The following ECE1 variants were observed in gnomAD, a reference collection of about 807,000 sequenced individuals.
ECE1 encodes the protein endothelin-converting enzyme 1.
ECE1 carries 35 observed loss-of-function variants against 98.6 expected under a neutral mutation model. The observed-to-expected ratio is 0.35, with a 90% CI of 0.27 to 0.47. ECE1 has a LOEUF of 0.47. Among genes scored for constraint, ECE1 ranks in the 20% least tolerant of loss-of-function variants. The pLI, the probability that ECE1 is intolerant of heterozygous loss-of-function variation, is 1.00. For missense variants in ECE1, 814 were observed against 1,025.3 expected (o/e 0.79, Z 2.81); for synonymous variants, 394 against 407.1 (o/e 0.97, Z 0.39).
chr1:21,222,841 CAAAAAAAAAA>C (rs888811259), intron 17 of ECE1, among the ~76,000 whole-genome samples: 22 of 27,800 alleles, frequency 7.9e-4, no homozygotes, highest in African/African-American at 3.2e-3. Flanking sequence ...GACCCTGTCT[CAAAAAAAAAA>C]AAAAAAAAAA....
chr1:21,320,044 A>G lies in ECE1; in HGVS notation c.3+25332T>C, dbSNP rs75372458. ...TCAGCTAAAAAACAAAGGTGCATGC[A>G]TAAATCTCAGAATGTTTTAAGAAAG... On this transcript the variant is annotated intron_variant, in intron 1 of 18. Transcript: ENST00000415912. Among the ~76,000 whole-genome samples the G allele has an allele frequency of 1.2e-4, 19 of 152,382 alleles. No homozygotes were observed. In the East Asian group the frequency reaches 3.1e-3, roughly 25 times the overall value.
At chr1:21,274,236 G>A (rs1366347775) in intron 3 of ECE1, among the ~76,000 whole-genome samples, 1 of 152,200 alleles carries the variant, frequency 6.6e-6, no homozygotes, top group Non-Finnish European at 1.5e-5. Flanking sequence ...GGCCTGTCTT[G>A]GTCCAGCCAT....
chr1:21,228,868 G>GA (rs35536676), intron 14 of ECE1, among the ~76,000 whole-genome samples: 2 of 144,952 alleles, frequency 1.4e-5, no homozygotes, highest in African/African-American at 2.5e-5. Flanking sequence ...TTGAGACGGA[G>GA]CTCACTCTGT....
chr1:21,260,726 G>A lies in ECE1; in HGVS notation c.494-334C>T, dbSNP rs974837495. ...ACAGTGTTCTTCCCCTGTGGATAAC[G>A]TGTGGTACGAACACCCCTGCCTGGT... On this transcript the variant is annotated intron_variant, in intron 4 of 18. Coordinates refer to ENST00000374893, the MANE Select transcript of ECE1 (RefSeq NM_001397.3). The surrounding 1 kb of genome is among the most constrained non-coding windows in gnomAD (Gnocchi z 4.3). Among the ~76,000 whole-genome samples the A allele has an allele frequency of 2.0e-5, 3 of 152,238 alleles. No individual in the cohort carries two copies. Among genetic ancestry groups the A allele is most frequent in the African/African-American group, 4.8e-5 (2 of 41,444 alleles).
chr1:21,260,176 G>A lies in ECE1; in HGVS notation c.615+95C>T, dbSNP rs1342895626. 1.0e-5 allele frequency: 16 copies of A among 1,560,492 alleles called. No homozygotes were observed. Among genetic ancestry groups the A allele is most frequent in the Non-Finnish European group, 1.4e-5 (16 of 1,132,456 alleles). On this transcript the variant is annotated intron_variant, in intron 5 of 18. Coordinates refer to ENST00000374893, the MANE Select transcript of ECE1 (RefSeq NM_001397.3). This position sits in a 1 kb window ranked among gnomAD's most constrained non-coding sequence, Gnocchi z 4.3. The stretch of plus-strand genomic sequence containing the variant: ...TTGGTGCTACCGGCTGGACGTATGA[G>A]GTGGGCCAGTGGTACCAGAAGGCTG...
At chr1:21,285,710 G>C (rs1158437959) in intron 2 of ECE1, among the ~76,000 whole-genome samples, 4 of 115,508 alleles carry the variant, frequency 3.5e-5, no homozygotes, top group Non-Finnish European at 7.2e-5. Context: ...AAAAAAAAAA[G>C]GCTGGGCACA....
chr1:21,240,885 C>T (rs570339984), intron 10 of ECE1, among the ~76,000 whole-genome samples: 5 of 152,244 alleles, frequency 3.3e-5, no homozygotes, highest in Non-Finnish European at 7.3e-5. Context: ...TGGATAAACC[C>T]ATTCCTTCAC....
At chr1:21,247,513 C>A (rs965975894) in intron 8 of ECE1, 150 bp from the exon 9 acceptor site, 3 of 1,176,354 alleles carry the variant, frequency 2.6e-6, no homozygotes, top group Admixed American at 2.1e-5. Flanking sequence ...CGGAGCCTGG[C>A]GGGCTTTTGT....
upstream of ECE1, among the ~76,000 whole-genome samples, chr1:21,292,823 G>A (rs1308736355): frequency 6.6e-6 from 1 of 152,210 alleles, no homozygotes; most frequent in Non-Finnish European, 1.5e-5. Context: ...CAGGGTGCAT[G>A]GGAAAGCTCT....
At chr1:21,232,848 T>C (rs986583504) in intron 14 of ECE1, among the ~76,000 whole-genome samples, 3 of 151,996 alleles carry the variant, frequency 2.0e-5, no homozygotes, top group Non-Finnish European at 4.4e-5. Context: ...CGGTTAATTT[T>C]TGTATTTTTA....
rs1246781559 is a variant in ECE1, at chr1:21,276,680, CTTT to C, written c.280+2508_280+2510del. ...CTGGCCTTCAGAATCATCAGATTTGCTTTCTTTTTTTTTTTTTTTTTTTGAGAC... is the reference window on the plus strand; with the variant it reads ...CTGGCCTTCAGAATCATCAGATTTGCCTTTTTTTTTTTTTTTTTTTGAGAC... On this transcript the variant is annotated intron_variant, in intron 3 of 18. Transcript: ENST00000374893. Among the ~76,000 whole-genome samples, 1,035 of 143,932 alleles carry C rather than the reference CTTT, an allele frequency of 7.2e-3. 9 individuals are homozygous for C. Among genetic ancestry groups the C allele is most frequent in the African/African-American group, 0.015 (600 of 39,896 alleles). 94.4% of individuals were successfully genotyped at this position (143,932 alleles called of 152,430 possible).
At chr1:21,323,473 C>T (rs1339074517) in intron 1 of ECE1, among the ~76,000 whole-genome samples, 1 of 152,070 alleles carries the variant, frequency 6.6e-6, no homozygotes, top group Non-Finnish European at 1.5e-5. Flanking sequence ...AAATCCTTGC[C>T]TTTGGGCCAA....
intron 7 of ECE1, among the ~76,000 whole-genome samples, chr1:21,257,257 G>A (rs1342777333): frequency 1.3e-5 from 2 of 152,206 alleles, no homozygotes; most frequent in African/African-American, 4.8e-5. Flanking sequence ...AGGGCCAGGC[G>A]AATTGTGGTA....
chr1:21,337,646 G>A (rs1408724788), intron 1 of ECE1, among the ~76,000 whole-genome samples: 2 of 152,186 alleles, frequency 1.3e-5, no homozygotes, highest in African/African-American at 2.4e-5. Context: ...AGGTGACACC[G>A]ACTGAGTCCT....
rs1350918308 is a variant in ECE1, at chr1:21,218,644, T to C, written c.*1311A>G. ...CTCTGTCACCCAGGCTGGAGTGCAG[T>C]GGCGCAATCTCAGCTCACTGCAACC... On this transcript the variant is annotated 3_prime_UTR_variant, in exon 19 of 19. Transcript: ENST00000374893. The surrounding 1 kb of genome is among the most constrained non-coding windows in gnomAD (Gnocchi z 4.0). The C allele has an allele frequency of 1.3e-5, 2 of 152,276 alleles. No individual in the cohort carries two copies. Among genetic ancestry groups the C allele is most frequent in the African/African-American group, 4.8e-5 (2 of 41,428 alleles). The allele number at this position is 152,276 out of a possible 1,614,324, so 9.4% of individuals were successfully genotyped here.
At position 21,256,024 on chromosome 1, in the gene ECE1, C is replaced by T. The variant is rs2098219476; in HGVS notation, c.943G>A (p.Ala315Thr). ...TTCTCCTGTGGGATGGTGATGTTGGCCAGTGCCGTCTCAAAGTCCAAGATC... is the reference window on the plus strand; with the variant it reads ...TTCTCCTGTGGGATGGTGATGTTGGTCAGTGCCGTCTCAAAGTCCAAGATC... ...QQILDFETAL[A>T]NITIPQEKRR... The change falls in exon 8 of 19, where the codon GCC (alanine) becomes ACC (threonine). Residue 315 changes from alanine (A) to threonine (T), a missense_variant. By Grantham distance (58) the Ala-to-Thr change is moderately conservative. Coordinates refer to ENST00000374893, the MANE Select transcript of ECE1 (RefSeq NM_001397.3). 6.2e-7 allele frequency: 1 copy of T among 1,613,760 alleles called. No homozygotes were observed. Among genetic ancestry groups the T allele is most frequent in the Admixed American group, 1.7e-5 (1 of 60,008 alleles).
intron 1 of ECE1, among the ~76,000 whole-genome samples, chr1:21,317,061 G>C (rs907144161): frequency 6.6e-6 from 1 of 152,064 alleles, no homozygotes; most frequent in African/African-American, 2.4e-5. Context: ...AAACGGACTG[G>C]GGGTGTGGGG....
At chr1:21,277,953 T>C (rs2103335171) in intron 3 of ECE1, among the ~76,000 whole-genome samples, 1 of 152,326 alleles carries the variant, frequency 6.6e-6, no homozygotes, top group Middle Eastern at 3.4e-3. Context: ...TGCTCTTTTC[T>C]AGGCCCCTGA....
chr1:21,290,211 C>A lies in ECE1; in HGVS notation c.52-55G>T. ...TCAGCGCCTCCATGGCTCTCGCGCCCGAATGGGGAAGCGGCCCCGACCCTG... is the reference window on the plus strand; with the variant it reads ...TCAGCGCCTCCATGGCTCTCGCGCCAGAATGGGGAAGCGGCCCCGACCCTG... On this transcript the variant is annotated intron_variant, in intron 1 of 18. Coordinates refer to ENST00000374893, the MANE Select transcript of ECE1 (RefSeq NM_001397.3). The surrounding 1 kb of genome is among the most constrained non-coding windows in gnomAD (Gnocchi z 7.3). 6.8e-7 allele frequency: 1 copy of A among 1,465,712 alleles called. No homozygotes were observed. Among genetic ancestry groups the A allele is most frequent in the African/African-American group, 1.4e-5 (1 of 69,490 alleles). 90.8% of individuals were successfully genotyped at this position (1,465,712 alleles called of 1,614,324 possible). A position where few individuals can be genotyped will look rare whatever the true frequency, so the allele number is the denominator to read the frequency against.
Sources: allele counts gnomAD v4.1 joint callset (sites outside exome capture counted in the v4.1 genomes callset), GRCh38; gene constraint gnomAD v4.1.1; non-coding constraint Gnocchi (gnomAD v3.1); transcripts MANE v1.5; gene names NCBI Gene and HGNC (gene_info 2026-07-23, HGNC 2026-07-21).